RFX7: variants seen among roughly 807,000 people sequenced by gnomAD.
RFX7 encodes regulatory factor X7.
RFX7 carries 26 observed loss-of-function variants against 111.8 expected under a neutral mutation model. The ratio of observed to expected loss-of-function variants is 0.23; its 90% CI spans 0.17 to 0.32. The LOEUF is 0.32. RFX7 is among the 10% of genes least tolerant of loss of function. The pLI is 1.00. For synonymous variants in RFX7, 624 were observed against 624.4 expected, an observed-to-expected ratio of 1.00 and a Z score of 0.01; for missense variants, 1,573 against 1,772.9, an observed-to-expected ratio of 0.89 and a Z score of 2.02.
chr15:56,174,223 A>C (rs2042876795), intron 3 of RFX7, among the ~76,000 whole-genome samples: 2 of 152,126 alleles, frequency 1.3e-5, no homozygotes, highest in Admixed American at 1.3e-4. Context: ...GGTTGCAGTG[A>C]GCTGAGATTG....
At chr15:56,230,533 A>T (rs1255204339) in intron 2 of RFX7, among the ~76,000 whole-genome samples, 1 of 152,254 alleles carries the variant, frequency 6.6e-6, no homozygotes, top group Non-Finnish European at 1.5e-5. Flanking sequence ...TATGTAGAAA[A>T]AAATAAAAGT....
chr15:56,191,541 T>C (rs1406465297), intron 2 of RFX7, among the ~76,000 whole-genome samples: 1 of 152,222 alleles, frequency 6.6e-6, no homozygotes, highest in Non-Finnish European at 1.5e-5. Context: ...CTTTTAAATA[T>C]TTCATAATTT....
At chr15:56,208,603 T>G (rs1025391508) in intron 2 of RFX7, among the ~76,000 whole-genome samples, 2 of 152,254 alleles carry the variant, frequency 1.3e-5, no homozygotes, top group African/African-American at 4.8e-5. Context: ...ATGTTGCAAT[T>G]ATCAGACCAG....
At chr15:56,244,825 C>A (rs934240403), upstream of RFX7, among the ~76,000 whole-genome samples, 12 of 151,938 alleles carry the variant, frequency 7.9e-5, no homozygotes, top group African/African-American at 2.7e-4. Flanking sequence ...CCATTCCCCC[C>A]CTTCCCATTC....
intron 2 of RFX7, among the ~76,000 whole-genome samples, chr15:56,221,039 T>C (rs141578671): frequency 9.9e-5 from 15 of 152,250 alleles, no homozygotes; most frequent in African/African-American, 3.4e-4. Flanking sequence ...ATTGGTCTAT[T>C]TGTTTCTGTG....
intron 2 of RFX7, among the ~76,000 whole-genome samples, chr15:56,208,708 T>C (rs1472464117): frequency 1.3e-5 from 2 of 151,970 alleles, no homozygotes; most frequent in African/African-American, 2.4e-5. Context: ...AAATAGAAAT[T>C]ATAAGAACTA....
chr15:56,214,031 C>T (rs556062951), intron 2 of RFX7, among the ~76,000 whole-genome samples: 2 of 152,192 alleles, frequency 1.3e-5, no homozygotes, highest in African/African-American at 4.8e-5. Flanking sequence ...TATCTGAAAG[C>T]TCACCTCTGT....
At chr15:56,144,548 T>C (rs2141029919) in intron 3 of RFX7, 65 bp from the exon 4 acceptor site, 1 of 755,204 alleles carries the variant, frequency 1.3e-6, no homozygotes, top group East Asian at 5.2e-5. Context: ...CCAAACAAAA[T>C]TTACTAACAT....
intron 2 of RFX7, among the ~76,000 whole-genome samples, chr15:56,229,836 C>CA (rs1265414439): frequency 2.6e-5 from 4 of 152,078 alleles, no homozygotes; most frequent in African/African-American, 9.7e-5. Flanking sequence ...CCCTGCCCCC[C>CA]ACCCAAAAAG....
chr15:56,183,025 T>G (rs1319712823), intron 2 of RFX7, among the ~76,000 whole-genome samples: 2 of 152,124 alleles, frequency 1.3e-5, no homozygotes, highest in African/African-American at 4.8e-5. Flanking sequence ...AGGTAATACA[T>G]ATATACTAAA....
intron 5 of RFX7, among the ~76,000 whole-genome samples, chr15:56,109,847 C>T (rs1244541372): frequency 6.6e-6 from 1 of 151,610 alleles, no homozygotes; most frequent in Admixed American, 6.6e-5. Context: ...CCCCTCCGCC[C>T]GGCAGCCACC....
chr15:56,179,270 C>T lies in RFX7; in HGVS notation c.195G>A (p.Leu65=). The T allele has an allele frequency of 7.8e-7, 1 of 1,276,434 alleles. No individual in the cohort carries two copies. The highest frequency in any genetic ancestry group is 1.0e-6 in the Non-Finnish European group (1 of 964,740). The allele number at this position is 1,276,434 out of a possible 1,614,324, so 79.1% of individuals were successfully genotyped here. A position where few individuals can be genotyped will look rare whatever the true frequency, so the allele number is the denominator to read the frequency against. The change falls in exon 3 of 10, where the codon TTG becomes TTA. Residue 65 remains leucine (L), a splice_region_variant and synonymous_variant. Coordinates refer to ENST00000559447, the MANE Select transcript of RFX7 (RefSeq NM_022841.7). The stretch of plus-strand genomic sequence containing the variant: ...TTTTAATATTAGTTATTTCACTTAC[C>T]AAAATGCAGTCCACTTTAGATTGTA... ...KTVQSKVDCI[L]QEVEKFTDLE... is the part of the protein sequence containing the mutation.
chr15:56,119,539 G>A (rs2042048481), intron 5 of RFX7, among the ~76,000 whole-genome samples: 1 of 152,236 alleles, frequency 6.6e-6, no homozygotes, highest in Middle Eastern at 3.4e-3. Context: ...CACTTTGGGA[G>A]GCCGAGGTGG....
At chr15:56,103,038 T>G (rs2041778307) in intron 6 of RFX7, among the ~76,000 whole-genome samples, 1 of 152,138 alleles carries the variant, frequency 6.6e-6, no homozygotes, top group African/African-American at 2.4e-5. Flanking sequence ...ACCTTTTCTG[T>G]ACTCTGGCTT....
At chr15:56,190,337 C>G (rs2043087417) in intron 2 of RFX7, among the ~76,000 whole-genome samples, 1 of 152,026 alleles carries the variant, frequency 6.6e-6, no homozygotes, top group Non-Finnish European at 1.5e-5. Flanking sequence ...GTGTCTGTAC[C>G]CTTGGGTATG....
chr15:56,144,723 A>T (rs1215354730), intron 3 of RFX7, among the ~76,000 whole-genome samples: 2 of 152,164 alleles, frequency 1.3e-5, no homozygotes, highest in Non-Finnish European at 2.9e-5. Context: ...GGGCATAAAT[A>T]GAATTATTGA....
chr15:56,105,594 T>G (rs1219632511), intron 5 of RFX7, among the ~76,000 whole-genome samples: 6 of 152,152 alleles, frequency 3.9e-5, no homozygotes, highest in Middle Eastern at 3.2e-3. Context: ...ATTTGAGAGA[T>G]AATATATCCA....
At chr15:56,156,312 G>C (rs2042651898) in intron 3 of RFX7, among the ~76,000 whole-genome samples, 3 of 151,958 alleles carry the variant, frequency 2.0e-5, no homozygotes, top group Admixed American at 1.3e-4. Context: ...AAACTACAAA[G>C]TATTTCAAAC....
Position 56,090,558 on chromosome 15 carries a change from T to A in RFX7, c.*2787A>T, listed in dbSNP as rs1194787982. ...TCAGTTTAATATAAAATGTTTTTAATTGTTTTTGAAAACATTTAAAAAACA... is the reference window on the plus strand; with the variant it reads ...TCAGTTTAATATAAAATGTTTTTAAATGTTTTTGAAAACATTTAAAAAACA... On this transcript the variant is annotated 3_prime_UTR_variant, in exon 10 of 10. Transcript: ENST00000559447. 1 of 152,604 alleles carries A rather than the reference T, an allele frequency of 6.6e-6. No individual in the cohort carries two copies. Among genetic ancestry groups the A allele is most frequent in the Non-Finnish European group, 1.5e-5 (1 of 68,006 alleles). 9.5% of individuals were successfully genotyped at this position (152,604 alleles called of 1,614,324 possible). A position where few individuals can be genotyped will look rare whatever the true frequency, so the allele number is the denominator to read the frequency against.
Sources: gnomAD v4.1 joint callset for allele counts (sites outside exome capture counted in the v4.1 genomes callset) on GRCh38, gnomAD v4.1.1 for gene constraint, MANE v1.5 for transcripts, NCBI Gene and HGNC (gene_info 2026-07-23, HGNC 2026-07-21) for gene names.